The following TMEM132B variants were observed in gnomAD, a reference collection of about 807,000 sequenced individuals.
TMEM132B encodes transmembrane protein 132B.
TMEM132B carries 18 observed loss-of-function variants against 90.8 expected under a neutral mutation model. That is an observed-to-expected ratio of 0.20 (90% confidence interval 0.14 to 0.29). The LOEUF (loss-of-function observed/expected upper bound fraction) is 0.29, where lower values mean the gene tolerates loss of function less well. Among genes scored for constraint, TMEM132B ranks in the 10% least tolerant of loss-of-function variants. The probability of loss-of-function intolerance (pLI) is 1.00; values close to 1 mark genes in which losing one functional copy is unlikely to be tolerated. For missense variants in TMEM132B, 1,096 were observed against 1,326.8 expected (o/e 0.83, Z 2.70); for synonymous variants, 504 against 523.3 (o/e 0.96, Z 0.50).
At chr12:125,582,689 G>T (rs776348515) in intron 4 of TMEM132B, among the ~76,000 whole-genome samples, 1 of 152,226 alleles carries the variant, frequency 6.6e-6, no homozygotes, top group South Asian at 2.1e-4. Context: ...ATACTGTAGA[G>T]AACTTACTGT....
At chr12:125,196,156 G>A (rs1872920828) in intron 1 of TMEM132B, among the ~76,000 whole-genome samples, 2 of 152,304 alleles carry the variant, frequency 1.3e-5, no homozygotes, top group South Asian at 4.2e-4. Context: ...GTAGTGAGAT[G>A]TGGGGTGTAT....
chr12:125,388,367 T>G (rs1409281963), intron 2 of TMEM132B, among the ~76,000 whole-genome samples: 2 of 152,126 alleles, frequency 1.3e-5, no homozygotes, highest in Non-Finnish European at 2.9e-5. Flanking sequence ...AGGCAGAGGT[T>G]GCAGTGAGCC....
intron 2 of TMEM132B, among the ~76,000 whole-genome samples, chr12:125,395,325 C>T (rs375635721): frequency 2.0e-5 from 3 of 152,194 alleles, no homozygotes; most frequent in African/African-American, 7.2e-5. Flanking sequence ...TTACAAATAG[C>T]AGGTTTGACT....
intron 4 of TMEM132B, among the ~76,000 whole-genome samples, chr12:125,578,342 A>G (rs935208071): frequency 6.6e-6 from 1 of 152,168 alleles, no homozygotes; most frequent in African/African-American, 2.4e-5. Flanking sequence ...CTCATTTTAT[A>G]CAACATTCAT....
intron 3 of TMEM132B, among the ~76,000 whole-genome samples, chr12:125,508,813 C>G (rs1289825576): frequency 6.9e-6 from 1 of 145,234 alleles, no homozygotes; most frequent in Admixed American, 7.0e-5. Context: ...GAGTCTCACT[C>G]TGTCGCCCAG....
At chr12:125,538,379 C>T (rs1387766008) in intron 4 of TMEM132B, among the ~76,000 whole-genome samples, 1 of 152,170 alleles carries the variant, frequency 6.6e-6, no homozygotes, top group African/African-American at 2.4e-5. Flanking sequence ...GCGGCCATCA[C>T]CAATTTTAGG....
intron 4 of TMEM132B, among the ~76,000 whole-genome samples, chr12:125,565,016 G>C (rs756281922): frequency 6.6e-5 from 10 of 152,126 alleles, no homozygotes; most frequent in Non-Finnish European, 1.5e-4. Flanking sequence ...AACCTTTTTT[G>C]AGCACGTTCT....
At chr12:125,216,414 T>G (rs1220523424) in intron 1 of TMEM132B, among the ~76,000 whole-genome samples, 2 of 152,186 alleles carry the variant, frequency 1.3e-5, no homozygotes, top group African/African-American at 2.4e-5. Context: ...GACCTTCAAA[T>G]ATAGTCACCT....
intron 5 of TMEM132B, among the ~76,000 whole-genome samples, chr12:125,597,284 A>T (rs1397575311): frequency 1.3e-5 from 2 of 152,104 alleles, no homozygotes; most frequent in Non-Finnish European, 2.9e-5. Context: ...TTGATAAAAA[A>T]CCCACTGGCT....
rs1422872421 is a variant in TMEM132B, at chr12:125,459,397, C to T, written c.1106+43720C>T. ...ACCGAGAGAACTGGAGATCATCATG[C>T]TAAATGAAATAAGCCAGACACAGAA... On this transcript the variant is annotated intron_variant, in intron 3 of 8. Transcript: ENST00000682704. The surrounding 1 kb of genome is among the most constrained non-coding windows in gnomAD (Gnocchi z 4.1). Among the ~76,000 whole-genome samples, 1 of 152,058 alleles carries T rather than the reference C, an allele frequency of 6.6e-6. No homozygotes were observed. The highest frequency in any genetic ancestry group is 1.5e-5 in the Non-Finnish European group (1 of 68,012).
At chr12:125,352,532 A>G (rs1877623453) in intron 2 of TMEM132B, among the ~76,000 whole-genome samples, 1 of 152,240 alleles carries the variant, frequency 6.6e-6, no homozygotes, top group Admixed American at 6.5e-5. Flanking sequence ...CCCCATTGGT[A>G]TGATAAGGAT....
intron 1 of TMEM132B, among the ~76,000 whole-genome samples, chr12:125,299,652 C>T (rs541233441): frequency 8.7e-4 from 132 of 152,338 alleles, no homozygotes; most frequent in Admixed American, 6.7e-3. Flanking sequence ...AGACCCAAAG[C>T]CCTGGGGCCA....
intron 3 of TMEM132B, among the ~76,000 whole-genome samples, chr12:125,468,542 A>G (rs1410417563): frequency 6.6e-6 from 1 of 152,190 alleles, no homozygotes; most frequent in African/African-American, 2.4e-5. Flanking sequence ...CCCATAGTGT[A>G]TGTGGCTTTG....
At position 125,621,656 on chromosome 12, in the gene TMEM132B, G is replaced by A. The variant is rs11835251; in HGVS notation, c.1438-22420G>A. Among the ~76,000 whole-genome samples, 1,179 of 152,224 alleles carry A rather than the reference G, an allele frequency of 7.7e-3. 16 individuals are homozygous for A. Among genetic ancestry groups the A allele is most frequent in the African/African-American group, 0.027 (1,127 of 41,528 alleles). ...ATTCCTTCTCAAGCAGAACTCCCTT[G>A]AGTAACAACTATGACTTGATTTGCA... On this transcript the variant is annotated intron_variant, in intron 5 of 8. Coordinates refer to ENST00000682704, the MANE Select transcript of TMEM132B (RefSeq NM_001366854.1).
intron 3 of TMEM132B, among the ~76,000 whole-genome samples, chr12:125,491,335 G>A (rs1882345575): frequency 6.6e-6 from 1 of 151,038 alleles, no homozygotes; most frequent in African/African-American, 2.4e-5. Context: ...TCACTCTGTT[G>A]CCCAGGCTTA....
intron 1 of TMEM132B, among the ~76,000 whole-genome samples, chr12:125,336,594 T>C (rs1183054564): frequency 2.6e-5 from 4 of 152,310 alleles, no homozygotes; most frequent in Middle Eastern, 3.4e-3. Flanking sequence ...GAGAAACAAG[T>C]CTGAATCAGT....
chr12:125,452,618 T>C (rs1185509795), intron 3 of TMEM132B, among the ~76,000 whole-genome samples: 1 of 152,216 alleles, frequency 6.6e-6, no homozygotes, highest in Non-Finnish European at 1.5e-5. Flanking sequence ...TTCTCATTTT[T>C]CCACAGCCTC....
intron 4 of TMEM132B, among the ~76,000 whole-genome samples, chr12:125,527,618 A>G (rs1355839045): frequency 1.4e-5 from 2 of 139,732 alleles, no homozygotes; most frequent in African/African-American, 2.8e-5. Flanking sequence ...CCACCCTTCC[A>G]TCTACCCATC....
chr12:125,540,766 A>G (rs1446288433), intron 4 of TMEM132B, among the ~76,000 whole-genome samples: 1 of 152,218 alleles, frequency 6.6e-6, no homozygotes. Flanking sequence ...TCCACGCAGC[A>G]GCCAGACCTA....
Sources: allele counts gnomAD v4.1 joint callset (sites outside exome capture counted in the v4.1 genomes callset), GRCh38; gene constraint gnomAD v4.1.1; non-coding constraint Gnocchi (gnomAD v3.1); transcripts MANE v1.5; gene names NCBI Gene and HGNC (gene_info 2026-07-23, HGNC 2026-07-21).